GRM8: variants seen among roughly 807,000 people sequenced by gnomAD.
GRM8 encodes glutamate metabotropic receptor 8.
GRM8 carries 47 observed loss-of-function variants against 87.2 expected under a neutral mutation model. The ratio of observed to expected loss-of-function variants is 0.54; its 90% CI spans 0.43 to 0.69. GRM8 has a LOEUF of 0.69. Ranked by LOEUF, GRM8 falls within the 30% of genes least tolerant of loss-of-function variation. GRM8 has a pLI of 0.00. For synonymous variants in GRM8, 396 were observed against 404.5 expected, an observed-to-expected ratio of 0.98 and a Z score of 0.25; for missense variants, 1,019 against 1,139.2, an observed-to-expected ratio of 0.89 and a Z score of 1.52.
chr7:127,193,317 G>C (rs1400193500), intron 2 of GRM8, among the ~76,000 whole-genome samples: 1 of 152,122 alleles, frequency 6.6e-6, no homozygotes, highest in Non-Finnish European at 1.5e-5. Flanking sequence ...CTCCATCAAT[G>C]TCCAATCAAA....
chr7:126,822,925 A>G lies in GRM8; in HGVS notation c.1157-52860T>C, dbSNP rs1225660597. On this transcript the variant is annotated intron_variant, in intron 6 of 10. Transcript: ENST00000339582. Reference sequence around the variant, plus strand: ...CTCCTAGTCTTCATCCCATATACACAACTGTATTCCAAACATCTCTAAGGG... The same window carrying G: ...CTCCTAGTCTTCATCCCATATACACGACTGTATTCCAAACATCTCTAAGGG... Among the ~76,000 whole-genome samples the G allele has an allele frequency of 7.2e-5, 11 of 152,314 alleles. No individual in the cohort carries two copies. The East Asian group carries it at 2.1e-3, about 29-fold the overall frequency.
intron 3 of GRM8, among the ~76,000 whole-genome samples, chr7:127,100,469 A>G (rs1825129661): frequency 6.6e-6 from 1 of 152,208 alleles, no homozygotes; most frequent in Admixed American, 6.5e-5. Flanking sequence ...TGTCTAGGCC[A>G]TTATTCCCAC....
intron 2 of GRM8, among the ~76,000 whole-genome samples, chr7:127,121,873 C>T (rs1827109438): frequency 6.6e-6 from 1 of 152,186 alleles, no homozygotes; most frequent in African/African-American, 2.4e-5. Flanking sequence ...GACTACAATT[C>T]CACATGGGAT....
rs1021104234 is a variant in GRM8 at position 126,841,714 on chromosome 7, G to A, written c.1156+60828C>T. On this transcript the variant is annotated intron_variant, in intron 6 of 10. Coordinates refer to ENST00000339582, the MANE Select transcript of GRM8 (RefSeq NM_000845.3). The stretch of plus-strand genomic sequence containing the variant: ...GCAATCTCCGCTCACTGCAAGCTCC[G>A]CCTCCCGGATTCACCCCATCCTCCT... Among the ~76,000 whole-genome samples the A allele has an allele frequency of 2.7e-5, 4 of 150,384 alleles. No individual in the cohort carries two copies. In the East Asian group the frequency reaches 7.8e-4, roughly 29 times the overall value.
chr7:126,905,664 G>C (rs1802603216), intron 3 of GRM8, among the ~76,000 whole-genome samples: 1 of 152,060 alleles, frequency 6.6e-6, no homozygotes, highest in Admixed American at 6.6e-5. Context: ...TCTACGCACT[G>C]GGCTCAACAT....
chr7:126,648,298 TCCTC>T (rs778864616), intron 7 of GRM8, among the ~76,000 whole-genome samples: 3 of 152,144 alleles, frequency 2.0e-5, no homozygotes, highest in South Asian at 2.1e-4. Context: ...TTATTATCTA[TCCTC>T]CCTATCTGTC....
At chr7:126,924,113 T>A (rs1308818343) in intron 3 of GRM8, among the ~76,000 whole-genome samples, 1 of 152,138 alleles carries the variant, frequency 6.6e-6, no homozygotes, top group Non-Finnish European at 1.5e-5. Context: ...GACTCCTTGC[T>A]CCTCGTCATT....
At chr7:126,576,120 C>T (rs924184019) in intron 8 of GRM8, among the ~76,000 whole-genome samples, 5 of 152,096 alleles carry the variant, frequency 3.3e-5, no homozygotes, top group Non-Finnish European at 4.4e-5. Context: ...GTAGACAGGG[C>T]CCAGCATTAT....
intron 3 of GRM8, among the ~76,000 whole-genome samples, chr7:127,003,701 G>A (rs1454983461): frequency 6.6e-6 from 1 of 151,696 alleles, no homozygotes; most frequent in Non-Finnish European, 1.5e-5. Flanking sequence ...CAGACTAATT[G>A]TTTTCTACAA....
chr7:126,811,604 AT>A (rs1793304217), intron 6 of GRM8, among the ~76,000 whole-genome samples: 1 of 151,808 alleles, frequency 6.6e-6, no homozygotes. Flanking sequence ...ATTCCTAGGT[AT>A]TTTGAGGTTT....
At chr7:126,972,176 A>G (rs991159958) in intron 3 of GRM8, among the ~76,000 whole-genome samples, 1 of 152,200 alleles carries the variant, frequency 6.6e-6, no homozygotes, top group Non-Finnish European at 1.5e-5. Context: ...AAAAACAACA[A>G]TAAGACATCT....
chr7:126,440,492 G>T (rs1434569736), intron 10 of GRM8, among the ~76,000 whole-genome samples: 1 of 148,690 alleles, frequency 6.7e-6, no homozygotes, highest in Non-Finnish European at 1.5e-5. Context: ...TTCACTTAAA[G>T]ATCCAGGGCA....
intron 2 of GRM8, among the ~76,000 whole-genome samples, chr7:127,231,153 A>G (rs774257049): frequency 6.6e-6 from 1 of 152,192 alleles, no homozygotes; most frequent in Non-Finnish European, 1.5e-5. Context: ...GGTTGATTGA[A>G]TATCACCTGC....
At chr7:126,730,553 A>G (rs898301565) in intron 7 of GRM8, among the ~76,000 whole-genome samples, 4 of 152,134 alleles carry the variant, frequency 2.6e-5, no homozygotes, top group South Asian at 2.1e-4. Flanking sequence ...TTTTGTAAAC[A>G]ATGTGGAACT....
intron 3 of GRM8, among the ~76,000 whole-genome samples, chr7:126,973,767 A>G (rs181365375): frequency 2.0e-5 from 3 of 152,380 alleles, no homozygotes; most frequent in African/African-American, 7.2e-5. Context: ...TAAGGCAGAA[A>G]TTAACCCATG....
chr7:126,521,847 C>T (rs1386473142), intron 9 of GRM8, among the ~76,000 whole-genome samples: 2 of 152,016 alleles, frequency 1.3e-5, no homozygotes, highest in African/African-American at 2.4e-5. Flanking sequence ...ATGAATGTGC[C>T]TTTTATTTCA....
At chr7:126,602,683 C>A (rs886766645) in intron 8 of GRM8, among the ~76,000 whole-genome samples, 1 of 150,714 alleles carries the variant, frequency 6.6e-6, no homozygotes, top group Non-Finnish European at 1.5e-5. Flanking sequence ...GTATTTTATT[C>A]TCTTTGAAGC....
intron 3 of GRM8, among the ~76,000 whole-genome samples, chr7:127,103,751 T>TG (rs756534111): frequency 1.4e-4 from 21 of 152,204 alleles, no homozygotes; most frequent in Non-Finnish European, 2.8e-4. Flanking sequence ...ATACCAAATA[T>TG]GTTTTTTTCC....
chr7:126,907,458 GGGAAAGC>G (rs1802835755), intron 3 of GRM8, among the ~76,000 whole-genome samples: 3 of 152,106 alleles, frequency 2.0e-5, no homozygotes, highest in Non-Finnish European at 4.4e-5. Flanking sequence ...GGACTGCTCA[GGGAAAGC>G]CACCCTAAAG....
Sources: gnomAD v4.1 joint callset for allele counts (sites outside exome capture counted in the v4.1 genomes callset) on GRCh38, gnomAD v4.1.1 for gene constraint, MANE v1.5 for transcripts, NCBI Gene and HGNC (gene_info 2026-07-23, HGNC 2026-07-21) for gene names.